The following LONRF3 variants were observed in gnomAD, a reference collection of about 807,000 sequenced individuals.
The protein encoded by LONRF3 is LON peptidase N-terminal domain and RING finger protein 3.
A neutral mutation model predicts 51.7 loss-of-function variants in LONRF3; 19 were observed. The ratio of observed to expected loss-of-function variants is 0.37; its 90% CI spans 0.26 to 0.54. The LOEUF (loss-of-function observed/expected upper bound fraction) is 0.54, where lower values mean the gene tolerates loss of function less well. Ranked by LOEUF, LONRF3 falls within the 20% of genes least tolerant of loss-of-function variation. The pLI is 0.86. For missense variants in LONRF3, 521 were observed against 623.9 expected (o/e 0.84, Z 1.76); for synonymous variants, 265 against 257.8 (o/e 1.03, Z -0.27).
chrX:118,977,874 G>T (rs905450869), intron 1 of LONRF3, among the ~76,000 whole-genome samples: 1 of 111,452 alleles, frequency 9.0e-6, no homozygotes, highest in African/African-American at 3.3e-5. Context: ...TGTAGACAAA[G>T]GTGTTACTAA....
chrX:119,012,790 C>G (rs1925196667), intron 8 of LONRF3: 1 of 741,367 alleles, frequency 1.3e-6, no homozygotes, highest in Non-Finnish European at 1.9e-6. Context: ...GGCAAACATT[C>G]AAACCATAGC....
intron 10 of LONRF3, among the ~76,000 whole-genome samples, chrX:119,015,796 C>T (rs371122942): frequency 8.9e-6 from 1 of 111,986 alleles, no homozygotes; most frequent in Admixed American, 9.5e-5. Flanking sequence ...AGCAGCAGCA[C>T]CAGCAAAAAA....
rs776157121 is a variant in LONRF3, at chrX:119,002,836, T to C, written c.1416-3285T>C. ...TATTTTGAGATGGAGTCTCACTCTG[T>C]TGCCCAGGCTGGAGTGCAGTGGTGC... On this transcript the variant is annotated intron_variant, in intron 5 of 10. Transcript: ENST00000371628. Among the ~76,000 whole-genome samples, 7 of 110,996 alleles carry C rather than the reference T, an allele frequency of 6.3e-5. No homozygotes were observed. The South Asian group carries it at 2.7e-3, about 43-fold the overall frequency.
chrX:118,990,101 C>CT (rs1400296598), intron 4 of LONRF3, among the ~76,000 whole-genome samples: 1 of 112,186 alleles, frequency 8.9e-6, no homozygotes, highest in Admixed American at 9.4e-5. Context: ...GCAGCTGTGG[C>CT]TTGCTATCTT....
intron 5 of LONRF3, among the ~76,000 whole-genome samples, chrX:118,992,383 C>A (rs1923493634): frequency 9.0e-6 from 1 of 111,269 alleles, no homozygotes. Context: ...CTGGGTGAGG[C>A]CTGTGACTGC....
At chrX:119,016,330 ATTTCTTTC>A (rs199994110) in intron 10 of LONRF3, among the ~76,000 whole-genome samples, 2 of 92,765 alleles carry the variant, frequency 2.2e-5, no homozygotes, top group Non-Finnish European at 4.2e-5. Context: ...GGCAGAATAT[ATTTCTTTC>A]TTTCTTTCTT....
chrX:118,985,640 G>A (rs1922895966), intron 3 of LONRF3, among the ~76,000 whole-genome samples: 1 of 111,928 alleles, frequency 8.9e-6, no homozygotes, highest in Admixed American at 9.5e-5. Context: ...GGAGAGAAAG[G>A]CTTACATCTG....
At chrX:118,994,122 G>A (rs1245877720) in intron 5 of LONRF3, among the ~76,000 whole-genome samples, 1 of 111,840 alleles carries the variant, frequency 8.9e-6, no homozygotes, top group African/African-American at 3.3e-5. Flanking sequence ...AAGTTAAAAA[G>A]CAAAAACAAA....
In LONRF3 at chrX:118,975,230, C is replaced by T. The variant is rs1466293900; in HGVS notation, c.450C>T (p.Thr150=). 2.5e-6 allele frequency: 3 copies of T among 1,192,944 alleles called. No homozygotes were observed. The highest frequency in any genetic ancestry group is 3.0e-5 in the East Asian group (1 of 32,795). ...GGGCCGCCGCGGCTGCGGCGGCCAC[C>T]GAGGTGTGGGACGGCTTTAAGTGCC... ...ETGAAAAAAA[T]EVWDGFKCRK... is the part of the protein sequence containing the mutation. Residue 150 remains threonine (T), a synonymous_variant, in exon 1 of 11, where the codon ACC becomes ACT. Transcript: ENST00000371628.
chrX:118,978,419 C>T lies in LONRF3; in HGVS notation c.892C>T (p.His298Tyr). 8.3e-7 allele frequency: 1 copy of T among 1,207,123 alleles called. No homozygotes were observed. The highest frequency in any genetic ancestry group is 1.1e-6 in the Non-Finnish European group (1 of 891,787). ...CTTGGAGTCTCATGAGAATGCACTG[C>T]ATGATGCAGAAATAGCATGTAAGCT... ...FTLESHENAL[H>Y]DAEIACKLRP... The change falls in exon 2 of 11, where the codon CAT becomes TAT. Residue 298 changes from histidine to tyrosine, a missense_variant. By Grantham distance (83) the His-to-Tyr change is moderately conservative (BLOSUM62 2). This residue lies in a region of LONRF3 where 376 missense variants were observed against 376.7 expected (regional missense o/e 1.00). Coordinates refer to ENST00000371628, the MANE Select transcript of LONRF3 (RefSeq NM_001031855.3).
intron 2 of LONRF3, among the ~76,000 whole-genome samples, chrX:118,980,683 C>A (rs1922487462): frequency 9.0e-6 from 1 of 111,074 alleles, no homozygotes; most frequent in South Asian, 3.8e-4. Context: ...CCCAAAGGAG[C>A]TTTAGTGGGG....
At chrX:118,990,844 A>C (rs1923372463) in intron 5 of LONRF3, among the ~76,000 whole-genome samples, 1 of 110,997 alleles carries the variant, frequency 9.0e-6, no homozygotes, top group African/African-American at 3.3e-5. Flanking sequence ...AATATGTCTG[A>C]ATATGTCTTT....
Position 119,009,115 on chromosome X carries a change from C to A in LONRF3, c.1531-11C>A, listed in dbSNP as rs749527423. On this transcript the variant is annotated splice_polypyrimidine_tract_variant and intron_variant, in intron 6 of 10. Transcript: ENST00000371628. ...TAATTGCATATTGTCTAATTGCCTC[C>A]CCCCATGTAGTGCTTGGCATCAAGA... 1.4e-5 allele frequency: 17 copies of A among 1,198,032 alleles called. No homozygotes were observed. In the Admixed American group the frequency reaches 3.6e-4, roughly 25 times the overall value.
At chrX:118,995,167 G>A (rs1243452465) in intron 5 of LONRF3, among the ~76,000 whole-genome samples, 1 of 112,213 alleles carries the variant, frequency 8.9e-6, no homozygotes, top group Non-Finnish European at 1.9e-5. Flanking sequence ...AATAAAACTG[G>A]AAATCAACTG....
chrX:118,984,547 C>T (rs762890991), intron 3 of LONRF3, among the ~76,000 whole-genome samples: 1 of 112,030 alleles, frequency 8.9e-6, no homozygotes, highest in Non-Finnish European at 1.9e-5. Flanking sequence ...TCTCTCCAGT[C>T]TGCTTTTATA....
Position 118,975,548 on chromosome X carries a change from G to A in LONRF3, c.768G>A (p.Glu256=), listed in dbSNP as rs1345708940. 1 of 1,199,280 alleles carries A rather than the reference G, an allele frequency of 8.3e-7. No individual in the cohort carries two copies. Among genetic ancestry groups the A allele is most frequent in the South Asian group, 1.8e-5 (1 of 54,753 alleles). The change falls in exon 1 of 11, where the codon GAG becomes GAA. Residue 256 remains glutamate, a synonymous_variant. Transcript: ENST00000371628. ...ACGAGGGCAACCGACTGTACCGCGA[G>A]CGCCAGGTGGAGGCGGCACTGCTCA... ...LRHEGNRLYR[E]RQVEAALLKY...
At chrX:118,997,324 T>C (rs1028500572) in intron 5 of LONRF3, among the ~76,000 whole-genome samples, 1 of 111,775 alleles carries the variant, frequency 8.9e-6, no homozygotes. Context: ...CCCAAATACT[T>C]ACAGCCAACT....
intron 5 of LONRF3, among the ~76,000 whole-genome samples, 167 bp downstream of exon 5, chrX:118,990,727 C>T (rs1275603280): frequency 6.3e-5 from 7 of 111,975 alleles, no homozygotes; most frequent in African/African-American, 2.0e-4. Context: ...GTGTCCCCTT[C>T]CCAGAGACTG....
intron 9 of LONRF3, 151 bp from the exon 10 acceptor site, chrX:119,014,056 G>A (rs951257164): frequency 1.8e-5 from 10 of 544,157 alleles, no homozygotes; most frequent in South Asian, 6.2e-5. Flanking sequence ...TGACTAAGGG[G>A]CATTTCACAT....
Sources: allele counts gnomAD v4.1 joint callset (sites outside exome capture counted in the v4.1 genomes callset), GRCh38; gene constraint gnomAD v4.1.1; regional missense constraint gnomAD v4.1.1; transcripts MANE v1.5; gene names NCBI Gene and HGNC (gene_info 2026-07-23, HGNC 2026-07-21).